BCAR3: variants seen among roughly 807,000 people sequenced by gnomAD.
The protein encoded by BCAR3 is breast cancer anti-estrogen resistance protein 3.
In BCAR3, 37 loss-of-function variants were observed where a neutral mutation model predicts 80.1. That is an observed-to-expected ratio of 0.46 (90% CI 0.36 to 0.61). The LOEUF (loss-of-function observed/expected upper bound fraction) is 0.61. BCAR3 is among the 20% of genes least tolerant of loss of function. BCAR3 has a pLI of 0.00. For missense variants in BCAR3, 978 were observed against 1,068.2 expected (o/e 0.92, Z 1.18); for synonymous variants, 389 against 418.9 (o/e 0.93, Z 0.87).
chr1:93,705,668 G>A (rs187522214), intron 3 of BCAR3, among the ~76,000 whole-genome samples: 77 of 152,314 alleles, frequency 5.1e-4, no homozygotes, highest in Middle Eastern at 3.4e-3. Context: ...CCCACCTTAC[G>A]GCAGGTTATT....
At chr1:93,583,036 G>C in intron 6 of BCAR3, 83 bp from the exon 7 acceptor site, 1 of 1,430,974 alleles carries the variant, frequency 7.0e-7, no homozygotes, top group Non-Finnish European at 9.3e-7. Flanking sequence ...CAGCTCCCCA[G>C]CCCTCCATTC....
chr1:93,825,727 G>A (rs1482194804), intron 2 of BCAR3, among the ~76,000 whole-genome samples: 2 of 152,198 alleles, frequency 1.3e-5, no homozygotes, highest in Admixed American at 6.5e-5. Context: ...GCGAGCAGAG[G>A]AGAGGGTATC....
intron 2 of BCAR3, among the ~76,000 whole-genome samples, chr1:93,717,562 T>C (rs1650232493): frequency 1.3e-5 from 2 of 151,636 alleles, no homozygotes; most frequent in African/African-American, 4.8e-5. Context: ...CCATCTCTAC[T>C]AAAAATACAA....
At chr1:93,622,863 C>T (rs3767981) in intron 3 of BCAR3, among the ~76,000 whole-genome samples, 5,167 of 152,216 alleles carry the variant, frequency 0.034, 126 homozygotes, top group East Asian at 0.12. Context: ...GATTTGGGTA[C>T]GCCTTGCAGT....
chr1:93,807,193 C>T (rs1653682169), intron 2 of BCAR3, among the ~76,000 whole-genome samples: 3 of 151,944 alleles, frequency 2.0e-5, no homozygotes, highest in Non-Finnish European at 4.4e-5. Context: ...AGGAAAGCCT[C>T]CTCTCCATCC....
chr1:93,592,305 A>G lies in BCAR3; in HGVS notation c.446T>C (p.Leu149Pro), dbSNP rs777735238. The G allele has an allele frequency of 3.7e-6, 6 of 1,611,322 alleles. No individual in the cohort carries two copies. In the African/African-American group the frequency reaches 6.7e-5, roughly 18 times the overall value. ...GCCGTGGTACCAGGCATGGCTGCGC[A>G]GGTCCTCGCTGCTCAGGAGCAGCTC... ...EEELLLSSED[L>P]RSHAWYHGRI... Residue 149 changes from leucine to proline, a missense_variant, in exon 4 of 12, where the codon CTG becomes CCG. Leu to Pro is a moderately conservative substitution (Grantham distance 98, BLOSUM62 -3). Coordinates refer to ENST00000260502, the MANE Select transcript of BCAR3 (RefSeq NM_003567.4). This position sits in a 1 kb window ranked among gnomAD's most constrained non-coding sequence, Gnocchi z 4.8.
intron 3 of BCAR3, among the ~76,000 whole-genome samples, chr1:93,696,443 A>G (rs1463807481): frequency 6.6e-6 from 1 of 151,976 alleles, no homozygotes; most frequent in Non-Finnish European, 1.5e-5. Flanking sequence ...AGGCCTGGGG[A>G]CTTTATCCCT....
rs192214877 is a variant in BCAR3 at position 93,612,368 on chromosome 1, C to T, written c.358-19975G>A. The stretch of plus-strand genomic sequence containing the variant: ...GGCCACGGTGGAGAGATAGAGAGTG[C>T]ACAAGCTGAAGGACAGCTGGACCCG... On this transcript the variant is annotated intron_variant, in intron 3 of 11. Transcript: ENST00000260502. Among the ~76,000 whole-genome samples, 25 of 152,016 alleles carry T rather than the reference C, an allele frequency of 1.6e-4. No individual in the cohort carries two copies. The East Asian group carries it at 4.6e-3, about 28-fold the overall frequency.
chr1:93,760,387 A>G (rs914657280), intron 2 of BCAR3, among the ~76,000 whole-genome samples: 1 of 152,180 alleles, frequency 6.6e-6, no homozygotes, highest in Admixed American at 6.5e-5. Flanking sequence ...GTGAGACTCA[A>G]TGAGAAGTGG....
intron 2 of BCAR3, among the ~76,000 whole-genome samples, chr1:93,725,273 G>T (rs1343447059): frequency 2.6e-5 from 4 of 152,198 alleles, no homozygotes; most frequent in Non-Finnish European, 5.9e-5. Flanking sequence ...TTTCATGTGG[G>T]ATGTGGATGC....
At chr1:93,740,259 G>C (rs1651130979) in intron 2 of BCAR3, among the ~76,000 whole-genome samples, 1 of 152,152 alleles carries the variant, frequency 6.6e-6, no homozygotes, top group Admixed American at 6.5e-5. Flanking sequence ...AGGAAACTCA[G>C]CATGTCCACA....
chr1:93,603,698 C>T, intron 3 of BCAR3, among the ~76,000 whole-genome samples: 1 of 152,172 alleles, frequency 6.6e-6, no homozygotes. Flanking sequence ...GAACACCGTG[C>T]CTTAAATGAA....
chr1:93,778,682 C>T (rs1341327343), intron 2 of BCAR3, among the ~76,000 whole-genome samples: 1 of 152,184 alleles, frequency 6.6e-6, no homozygotes, highest in East Asian at 1.9e-4. Flanking sequence ...CTGGCTCCTC[C>T]AACAAGACCC....
chr1:93,737,651 C>G (rs1651023013), intron 2 of BCAR3, among the ~76,000 whole-genome samples: 2 of 152,182 alleles, frequency 1.3e-5, no homozygotes, highest in South Asian at 4.1e-4. Context: ...GCCACCCAGT[C>G]TGTGGTCATT....
intron 3 of BCAR3, among the ~76,000 whole-genome samples, chr1:93,615,735 G>T (rs747211797): frequency 2.6e-5 from 4 of 152,184 alleles, no homozygotes; most frequent in African/African-American, 9.6e-5. Context: ...GTAAGTCCGT[G>T]TGAGCAGCCA....
intron 3 of BCAR3, among the ~76,000 whole-genome samples, chr1:93,598,496 G>C (rs1451207838): frequency 6.6e-6 from 1 of 152,206 alleles, no homozygotes; most frequent in African/African-American, 2.4e-5. Flanking sequence ...AGGCTGCAGA[G>C]GCCATGGCCA....
intron 2 of BCAR3, among the ~76,000 whole-genome samples, chr1:93,768,298 C>A (rs1652227963): frequency 6.6e-6 from 1 of 151,316 alleles, no homozygotes; most frequent in Non-Finnish European, 1.5e-5. Context: ...TGTACAACAG[C>A]CCAACAAAAA....
At chr1:93,638,667 T>C (rs952392278) in intron 3 of BCAR3, among the ~76,000 whole-genome samples, 1 of 152,138 alleles carries the variant, frequency 6.6e-6, no homozygotes, top group Admixed American at 6.5e-5. Flanking sequence ...CCGAAGTCAC[T>C]AGCTACATGG....
chr1:93,755,990 G>A (rs1429855534), intron 2 of BCAR3, among the ~76,000 whole-genome samples: 1 of 152,178 alleles, frequency 6.6e-6, no homozygotes, highest in East Asian at 1.9e-4. Flanking sequence ...AAGTTCACCT[G>A]CTCTTGACAA....
Sources: allele counts gnomAD v4.1 joint callset (sites outside exome capture counted in the v4.1 genomes callset), GRCh38; gene constraint gnomAD v4.1.1; non-coding constraint Gnocchi (gnomAD v3.1); transcripts MANE v1.5; gene names NCBI Gene and HGNC (gene_info 2026-07-23, HGNC 2026-07-21).